PALD1: variants seen among roughly 807,000 people sequenced by gnomAD.
The protein encoded by PALD1 is phosphatase domain containing paladin 1.
A neutral mutation model predicts 96.0 loss-of-function variants in PALD1; 57 were observed. The observed-to-expected ratio is 0.59, with a 90% CI of 0.48 to 0.74. The LOEUF is 0.74. PALD1 is among the 30% of genes least tolerant of loss of function. The pLI, the probability that PALD1 is intolerant of heterozygous loss-of-function variation, is 0.00. For synonymous variants in PALD1, 464 were observed against 473.6 expected (o/e 0.98, Z 0.26); for missense variants, 1,063 against 1,143.7 (o/e 0.93, Z 1.02).
intron 3 of PALD1, 55 bp downstream of exon 3, chr10:70,529,386 C>A: frequency 3.6e-6 from 3 of 825,810 alleles, no homozygotes; most frequent in East Asian, 2.6e-5. Flanking sequence ...CCCTATCTCT[C>A]ATGAATTCCC....
rs771481868 is a variant in PALD1, at chr10:70,534,083, C to G, written c.1022+10C>G. 2.5e-6 allele frequency: 4 copies of G among 1,586,310 alleles called. No individual in the cohort carries two copies. The African/African-American group carries it at 4.0e-5, about 16-fold the overall frequency. On this transcript the variant is annotated intron_variant, in intron 8 of 19. Coordinates refer to ENST00000263563, the MANE Select transcript of PALD1 (RefSeq NM_014431.3). ...CCACCTCCCAGCCAGAGTGAGTGGC[C>G]CGGGGCCCAGCGTCCTGAAGGGCTG...
intron 1 of PALD1, among the ~76,000 whole-genome samples, chr10:70,493,118 C>T (rs1029339160): frequency 8.5e-5 from 13 of 152,304 alleles, no homozygotes; most frequent in African/African-American, 2.2e-4. Context: ...TTCCAGCTGC[C>T]GCTGCTGCTT....
the PALD1 span, among the ~76,000 whole-genome samples, chr10:70,467,380 A>G: frequency 1.5e-5 from 2 of 132,478 alleles, no homozygotes; most frequent in Non-Finnish European, 1.6e-5. Flanking sequence ...GGGAGGAGGT[A>G]CCTGTGCTCT....
At chr10:70,498,995 T>C (rs1274176479) in intron 1 of PALD1, among the ~76,000 whole-genome samples, 1 of 151,530 alleles carries the variant, frequency 6.6e-6, no homozygotes, top group Non-Finnish European at 1.5e-5. Flanking sequence ...ATGGTGAGAG[T>C]GGCAATAAAT....
intron 18 of PALD1, among the ~76,000 whole-genome samples, chr10:70,561,287 T>C (rs999641464): frequency 6.6e-6 from 1 of 152,258 alleles, no homozygotes; most frequent in Non-Finnish European, 1.5e-5. Flanking sequence ...CCATAGCACA[T>C]TGCCTCTGAG....
chr10:70,536,302 AAAAAC>A (rs1267449479), intron 10 of PALD1, among the ~76,000 whole-genome samples: 1 of 151,106 alleles, frequency 6.6e-6, no homozygotes, highest in Non-Finnish European at 1.5e-5. Flanking sequence ...CCCTGTCTCA[AAAAAC>A]AAAACAAAAC....
At chr10:70,519,576 T>TCTTTC (rs201251542) in intron 1 of PALD1, among the ~76,000 whole-genome samples, 4 of 148,332 alleles carry the variant, frequency 2.7e-5, no homozygotes, top group African/African-American at 9.9e-5. Context: ...TTTCTTTCTT[T>TCTTTC]TTTTTTTTTT....
intron 1 of PALD1, among the ~76,000 whole-genome samples, chr10:70,498,123 C>A (rs1224386999): frequency 6.6e-6 from 1 of 152,166 alleles, no homozygotes; most frequent in Non-Finnish European, 1.5e-5. Context: ...GTTCTACTTC[C>A]TGTCTCTGAA....
chr10:70,465,483 C>T, the PALD1 span, among the ~76,000 whole-genome samples: 1 of 152,160 alleles, frequency 6.6e-6, no homozygotes, highest in African/African-American at 2.4e-5. Context: ...TGAGTATTTA[C>T]TGAGCACCTA....
At chr10:70,558,323 A>C (rs1847657396) in intron 18 of PALD1, among the ~76,000 whole-genome samples, 1 of 151,644 alleles carries the variant, frequency 6.6e-6, no homozygotes, top group African/African-American at 2.4e-5. Flanking sequence ...CACCTCTTTG[A>C]CCTCAGCCTC....
intron 1 of PALD1, among the ~76,000 whole-genome samples, chr10:70,519,638 G>A (rs531406750): frequency 1.3e-5 from 2 of 150,336 alleles, no homozygotes; most frequent in African/African-American, 2.5e-5. Context: ...GCAGTGGCGC[G>A]ATCTCAACTC....
the PALD1 span, among the ~76,000 whole-genome samples, chr10:70,464,509 C>T: frequency 2.0e-5 from 3 of 151,992 alleles, no homozygotes; most frequent in Admixed American, 6.6e-5. Context: ...CCACCGCACC[C>T]GGCCTGGCTT....
In PALD1 at chr10:70,566,772, C is replaced by T. The variant is rs756631629; in HGVS notation, c.*39C>T. ...CTGTCCCCCCACCCACAGGGCCCCACGCAGGCCTGGGGTGTCTGAGGTGCT... is the reference window on the plus strand; with the variant it reads ...CTGTCCCCCCACCCACAGGGCCCCATGCAGGCCTGGGGTGTCTGAGGTGCT... On this transcript the variant is annotated 3_prime_UTR_variant, in exon 20 of 20. Coordinates refer to ENST00000263563, the MANE Select transcript of PALD1 (RefSeq NM_014431.3). 40 of 1,462,348 alleles carry T rather than the reference C, an allele frequency of 2.7e-5. No individual in the cohort carries two copies. The Middle Eastern group carries it at 6.9e-4, about 25-fold the overall frequency. 90.6% of individuals were successfully genotyped at this position (1,462,348 alleles called of 1,614,324 possible).
intron 1 of PALD1, among the ~76,000 whole-genome samples, chr10:70,507,110 A>ATT (rs1846405808): frequency 2.0e-5 from 3 of 152,066 alleles, no homozygotes; most frequent in South Asian, 4.1e-4. Flanking sequence ...TATTAAAAAA[A>ATT]ATTTTTTTAG....
intron 7 of PALD1, among the ~76,000 whole-genome samples, 194 bp from the exon 8 acceptor site, chr10:70,533,728 C>T (rs932655089): frequency 9.9e-5 from 15 of 152,240 alleles, no homozygotes; most frequent in Non-Finnish European, 2.2e-4. Flanking sequence ...TTGAGCTCCT[C>T]CAAGGCCTGG....
chr10:70,536,232 TC>T (rs753767614), intron 10 of PALD1, among the ~76,000 whole-genome samples: 6 of 151,976 alleles, frequency 3.9e-5, no homozygotes, highest in Non-Finnish European at 7.4e-5. Flanking sequence ...GCCCAGGAGT[TC>T]CAGGCTGCAG....
At chr10:70,564,830 A>G (rs981482352) in intron 19 of PALD1, among the ~76,000 whole-genome samples, 3 of 152,214 alleles carry the variant, frequency 2.0e-5, no homozygotes, top group African/African-American at 7.2e-5. Flanking sequence ...GGACCCTGTC[A>G]CCACAGCCAC....
intron 1 of PALD1, among the ~76,000 whole-genome samples, chr10:70,479,677 T>G (rs1158240182): frequency 6.6e-6 from 1 of 152,216 alleles, no homozygotes; most frequent in African/African-American, 2.4e-5. Flanking sequence ...GTTGGAGCCC[T>G]TTCTCTTGGG....
intron 1 of PALD1, among the ~76,000 whole-genome samples, chr10:70,498,799 G>T (rs185407614): frequency 6.6e-6 from 1 of 151,952 alleles, no homozygotes; most frequent in South Asian, 2.1e-4. Flanking sequence ...GTGGTAGCGC[G>T]TGCCTGTAAA....
Sources: gnomAD v4.1 joint callset for allele counts (sites outside exome capture counted in the v4.1 genomes callset) on GRCh38, gnomAD v4.1.1 for gene constraint, MANE v1.5 for transcripts, NCBI Gene and HGNC (gene_info 2026-07-23, HGNC 2026-07-21) for gene names.